Variants in GLB1L2 observed in about 807,000 individuals in gnomAD.
GLB1L2 encodes galactosidase beta 1 like 2, also known as beta-galactosidase-1-like protein 2.
In GLB1L2, 68 loss-of-function variants were observed where a neutral mutation model predicts 84.1. That is an observed-to-expected ratio of 0.81 (90% CI 0.67 to 0.99). GLB1L2 has a LOEUF of 0.99. Among genes scored for constraint, GLB1L2 ranks in the 50% least tolerant of loss-of-function variants. The pLI is 0.00. For missense variants in GLB1L2, 762 were observed against 805.6 expected, an observed-to-expected ratio of 0.95 and a Z score of 0.66; for synonymous variants, 290 against 318.0, an observed-to-expected ratio of 0.91 and a Z score of 0.94.
chr11:134,332,336 G>T (rs1023598377), intron 1 of GLB1L2, among the ~76,000 whole-genome samples, 189 bp downstream of exon 1: 7 of 152,068 alleles, frequency 4.6e-5, no homozygotes, highest in Non-Finnish European at 7.4e-5. Flanking sequence ...CCTGCCGCGC[G>T]ATCCAGGCCT....
chr11:134,341,500 T>C (rs995025091), intron 1 of GLB1L2, among the ~76,000 whole-genome samples: 1 of 152,170 alleles, frequency 6.6e-6, no homozygotes, highest in Admixed American at 6.5e-5. Flanking sequence ...TAAAATGTCA[T>C]TTGCAAGCCA....
rs1214519324 is a variant in GLB1L2 at position 134,376,234 on chromosome 11, T to C, written c.*1176T>C. The C allele has an allele frequency of 6.9e-6, 1 of 145,570 alleles. No individual in the cohort carries two copies. Among genetic ancestry groups the C allele is most frequent in the East Asian group, 2.0e-4 (1 of 5,004 alleles). 9.0% of individuals were successfully genotyped at this position (145,570 alleles called of 1,614,324 possible). ...AGCCCTCCTTCGAAGTGTGTCCAAG[T>C]CCGCATTTGAGCCTTGTTCTGGGGC... On this transcript the variant is annotated 3_prime_UTR_variant, in exon 19 of 19. Transcript: ENST00000535456.
intron 6 of GLB1L2, among the ~76,000 whole-genome samples, chr11:134,358,157 G>A (rs962019177): frequency 6.6e-6 from 1 of 152,154 alleles, no homozygotes; most frequent in Non-Finnish European, 1.5e-5. Flanking sequence ...AGATTTCAGC[G>A]GAAATAAACA....
At position 134,339,542 on chromosome 11, in the gene GLB1L2, T is replaced by G. The variant is rs1394591319; in HGVS notation, c.87-3212T>G. On this transcript the variant is annotated intron_variant, in intron 1 of 18. Coordinates refer to ENST00000535456, the MANE Select transcript of GLB1L2 (RefSeq NM_001370461.1). The surrounding 1 kb of genome is among the most constrained non-coding windows in gnomAD (Gnocchi z 5.7). ...AAGAAACAGTTGAATTCACCAGAAT[T>G]TGGAATTGGATAACAGCTAGATTGT... 6.6e-6 allele frequency among the ~76,000 whole-genome samples: 1 copy of G among 152,164 alleles called. No homozygotes were observed. The highest frequency in any genetic ancestry group is 1.5e-5 in the Non-Finnish European group (1 of 68,028).
chr11:134,332,809 A>G (rs1006483201), intron 1 of GLB1L2, among the ~76,000 whole-genome samples: 3 of 152,128 alleles, frequency 2.0e-5, no homozygotes, highest in African/African-American at 7.2e-5. Context: ...CTTCAGTGAT[A>G]CTGTGATTTA....
At chr11:134,366,169 C>T (rs977431086) in intron 8 of GLB1L2, among the ~76,000 whole-genome samples, 4 of 152,238 alleles carry the variant, frequency 2.6e-5, no homozygotes, top group Non-Finnish European at 2.9e-5. Flanking sequence ...AGCCAACAAC[C>T]TTGCTTCTGG....
At chr11:134,371,337 C>G (rs893389495) in intron 13 of GLB1L2, 84 bp from the exon 14 acceptor site, 2 of 1,161,898 alleles carry the variant, frequency 1.7e-6, no homozygotes, top group East Asian at 4.7e-5. Flanking sequence ...TACAGGCACG[C>G]GTGCTGCCCT....
chr11:134,342,503 C>T (rs1200577321), intron 1 of GLB1L2, among the ~76,000 whole-genome samples: 1 of 152,160 alleles, frequency 6.6e-6, no homozygotes, highest in East Asian at 1.9e-4. Flanking sequence ...CTCCTTTCAG[C>T]CCGCCGGCCT....
chr11:134,358,977 A>G (rs1943743878), intron 6 of GLB1L2, 83 bp from the exon 7 acceptor site: 3 of 947,412 alleles, frequency 3.2e-6, no homozygotes, highest in Admixed American at 2.6e-5. Context: ...CTAGCTCTTC[A>G]GGCTACCCAA....
chr11:134,373,676 GC>G, intron 15 of GLB1L2, 44 bp from the exon 16 acceptor site: 1 of 1,340,970 alleles, frequency 7.5e-7, no homozygotes, highest in Non-Finnish European at 1.1e-6. Context: ...AGCTGACTCG[GC>G]CCCTGCCTTT....
intron 1 of GLB1L2, among the ~76,000 whole-genome samples, chr11:134,332,381 G>T (rs370433154): frequency 1.3e-5 from 2 of 152,006 alleles, no homozygotes; most frequent in Non-Finnish European, 2.9e-5. Flanking sequence ...GGGAGCCGGC[G>T]TCTGTGCCCC....
intron 4 of GLB1L2, among the ~76,000 whole-genome samples, chr11:134,345,624 C>A (rs1943543431): frequency 6.6e-6 from 1 of 152,176 alleles, no homozygotes; most frequent in Non-Finnish European, 1.5e-5. Context: ...GTGTGTGCCA[C>A]CACGCGCAGC....
In GLB1L2 at chr11:134,332,121, C is replaced by G. The variant is rs1289047177; in HGVS notation, c.60C>G (p.Val20=). The G allele has an allele frequency of 6.3e-7, 1 of 1,586,426 alleles. No individual in the cohort carries two copies. The highest frequency in any genetic ancestry group is 1.1e-5 in the South Asian group (1 of 87,218). ...PARTLGLLLL[V]VLGFLVLRRL... is the part of the protein sequence containing the mutation. Reference sequence around the variant, plus strand: ...GCACGCTGGGACTCCTGCTGCTGGTCGTCTTGGGCTTCCTGGTGCTCCGCA... The same window carrying G: ...GCACGCTGGGACTCCTGCTGCTGGTGGTCTTGGGCTTCCTGGTGCTCCGCA... Residue 20 remains valine (V), a synonymous_variant, in exon 1 of 19, where the codon GTC becomes GTG. Coordinates refer to ENST00000535456, the MANE Select transcript of GLB1L2 (RefSeq NM_001370461.1).
At chr11:134,356,170 T>C (rs945264375) in intron 5 of GLB1L2, 131 bp from the exon 6 acceptor site, 3 of 765,344 alleles carry the variant, frequency 3.9e-6, no homozygotes, top group East Asian at 2.5e-5. Flanking sequence ...CACTGTCTTA[T>C]TGATACTAAT....
chr11:134,370,298 C>T lies in GLB1L2; in HGVS notation c.1114C>T (p.Pro372Ser). 1 of 1,613,444 alleles carries T rather than the reference C, an allele frequency of 6.2e-7. No homozygotes were observed. The highest frequency in any genetic ancestry group is 8.5e-7 in the Non-Finnish European group (1 of 1,179,598). The change falls in exon 12 of 19, where the codon CCT (proline) becomes TCT (serine). Residue 372 changes from proline to serine, a missense_variant. Transcript: ENST00000535456. The surrounding 1 kb of genome is among the most constrained non-coding windows in gnomAD (Gnocchi z 4.7). ...RDFFGSISGIPLPPPPDLLPK... is the reference protein window; with the variant it reads ...RDFFGSISGISLPPPPDLLPK... ...CCCTGTTTTCTGTGTTGCAGGCATC[C>T]CTCTCCCTCCCCCACCTGACCTTCT...
At chr11:134,354,490 T>C (rs938986968) in intron 5 of GLB1L2, among the ~76,000 whole-genome samples, 3 of 152,128 alleles carry the variant, frequency 2.0e-5, no homozygotes, top group Non-Finnish European at 4.4e-5. Context: ...TATTTTCATA[T>C]AGCTTCAAAT....
intron 1 of GLB1L2, among the ~76,000 whole-genome samples, chr11:134,335,206 G>T (rs1943365120): frequency 6.7e-6 from 1 of 148,912 alleles, no homozygotes. Flanking sequence ...TGAACAAGGT[G>T]GCTAACTTAG....
In GLB1L2 at chr11:134,332,453, C is replaced by A. The variant is rs1943315092; in HGVS notation, c.86+306C>A. 1.3e-5 allele frequency among the ~76,000 whole-genome samples: 2 copies of A among 152,108 alleles called. 1 individual carries two copies. Among genetic ancestry groups the A allele is most frequent in the South Asian group, 4.1e-4 (2 of 4,820 alleles). On this transcript the variant is annotated intron_variant, in intron 1 of 18. Coordinates refer to ENST00000535456, the MANE Select transcript of GLB1L2 (RefSeq NM_001370461.1). ...CTGCCCCCCGTGGACGCCCGCAGCC[C>A]TCCAGCCGTCAGAGCCCTCTCAGAC...
chr11:134,371,747 G>C lies in GLB1L2; in HGVS notation c.1429-5G>C. ...CAGTCATCGTTAGCCCCGTGTTCCCGGCAGGGTTACACCGTGCTGAGGATC... is the reference window on the plus strand; with the variant it reads ...CAGTCATCGTTAGCCCCGTGTTCCCCGCAGGGTTACACCGTGCTGAGGATC... On this transcript the variant is annotated splice_region_variant and splice_polypyrimidine_tract_variant and intron_variant, in intron 14 of 18. Coordinates refer to ENST00000535456, the MANE Select transcript of GLB1L2 (RefSeq NM_001370461.1). 1 of 1,613,950 alleles carries C rather than the reference G, an allele frequency of 6.2e-7. No homozygotes were observed. The highest frequency in any genetic ancestry group is 8.5e-7 in the Non-Finnish European group (1 of 1,179,934).
Sources: gnomAD v4.1 joint callset for allele counts (sites outside exome capture counted in the v4.1 genomes callset) on GRCh38, gnomAD v4.1.1 for gene constraint, Gnocchi (gnomAD v3.1) non-coding constraint, MANE v1.5 for transcripts, NCBI Gene and HGNC (gene_info 2026-07-23, HGNC 2026-07-21) for gene names.